CDK5RAP2: variants seen among roughly 807,000 people sequenced by gnomAD.
CDK5RAP2 encodes CDK5 regulatory subunit associated protein 2.
Under a neutral mutation model 232.9 loss-of-function variants are expected in CDK5RAP2, and 147 were observed. The ratio of observed to expected loss-of-function variants is 0.63; its 90% CI spans 0.55 to 0.72. The LOEUF (loss-of-function observed/expected upper bound fraction) is 0.72, where lower values mean the gene tolerates loss of function less well. Among genes scored for constraint, CDK5RAP2 ranks in the 30% least tolerant of loss-of-function variants. The probability of loss-of-function intolerance (pLI) is 0.00; values close to 1 mark genes in which losing one functional copy is unlikely to be tolerated. For missense variants in CDK5RAP2, 2,195 were observed against 2,231.5 expected (o/e 0.98, Z 0.33); for synonymous variants, 833 against 833.7 (o/e 1.00, Z 0.01).
chr9:120,460,744 ATG>A, intron 18 of CDK5RAP2, 77 bp from the exon 19 acceptor site: 1 of 1,582,022 alleles, frequency 6.3e-7, no homozygotes, highest in Non-Finnish European at 8.6e-7. Context: ...TAAGTCAGTG[ATG>A]TCTTTTTTTT....
intron 2 of CDK5RAP2, among the ~76,000 whole-genome samples, chr9:120,570,175 T>G (rs918206983): frequency 2.0e-5 from 3 of 152,146 alleles, no homozygotes; most frequent in Non-Finnish European, 4.4e-5. Context: ...GAAAAGAGGC[T>G]AAGGAGTGGG....
rs1473443984 is a variant in CDK5RAP2, at chr9:120,532,354, G to A, written c.663-2214C>T. On this transcript the variant is annotated intron_variant, in intron 7 of 37. Transcript: ENST00000349780. ...CACAGAGCAGCTCAAAGGCCAGATT[G>A]AAGACAATAAAGTAGCTAAAGCATG... 4.6e-5 allele frequency: 7 copies of A among 152,324 alleles called. No homozygotes were observed. In the East Asian group the frequency reaches 1.3e-3, roughly 29 times the overall value. 9.4% of individuals were successfully genotyped at this position (152,324 alleles called of 1,614,324 possible). A position where few individuals can be genotyped will look rare whatever the true frequency, so the allele number is the denominator to read the frequency against.
Position 120,407,022 on chromosome 9 carries a change from A to G in CDK5RAP2, c.4953T>C (p.Pro1651=). ...AVSIPEVPLQ[P]DKHDGDKYPM... is the part of the protein sequence containing the mutation. ...AGGCAGGGGCAGTACCGTGTTTGTCAGGCTGAAGGGGCACCTCAGGGATGG... is the reference window on the plus strand; with the variant it reads ...AGGCAGGGGCAGTACCGTGTTTGTCGGGCTGAAGGGGCACCTCAGGGATGG... Residue 1651 remains proline (P), a synonymous_variant, in exon 32 of 38, where the codon CCT becomes CCC. Transcript: ENST00000349780. The G allele has an allele frequency of 6.2e-7, 1 of 1,613,266 alleles. No homozygotes were observed. The highest frequency in any genetic ancestry group is 8.5e-7 in the Non-Finnish European group (1 of 1,179,188).
At chr9:120,526,295 T>C (rs925925825) in intron 10 of CDK5RAP2, among the ~76,000 whole-genome samples, 33 of 152,164 alleles carry the variant, frequency 2.2e-4, no homozygotes, top group African/African-American at 7.7e-4. Context: ...CACCACTTTT[T>C]AAACAGATTC....
At chr9:120,427,542 A>G (rs1244919420) in intron 25 of CDK5RAP2, among the ~76,000 whole-genome samples, 4 of 152,142 alleles carry the variant, frequency 2.6e-5, no homozygotes, top group African/African-American at 9.7e-5. Context: ...CCCTTGCAAC[A>G]GCCTCTATCA....
At chr9:120,481,702 G>A (rs1398315093) in intron 14 of CDK5RAP2, among the ~76,000 whole-genome samples, 3 of 152,110 alleles carry the variant, frequency 2.0e-5, no homozygotes, top group East Asian at 3.9e-4. Flanking sequence ...TAGTAGAGAC[G>A]GGGTTTCACC....
intron 26 of CDK5RAP2, among the ~76,000 whole-genome samples, chr9:120,422,207 T>G (rs1206866469): frequency 6.6e-6 from 1 of 152,200 alleles, no homozygotes; most frequent in African/African-American, 2.4e-5. Flanking sequence ...TACATTTGAA[T>G]GGACTCTGAA....
chr9:120,465,822 T>C (rs1288011778), intron 18 of CDK5RAP2, among the ~76,000 whole-genome samples: 2 of 152,074 alleles, frequency 1.3e-5, no homozygotes, highest in African/African-American at 4.8e-5. Flanking sequence ...AGTGAGGCAG[T>C]TAAGTTTCAG....
intron 3 of CDK5RAP2, among the ~76,000 whole-genome samples, chr9:120,556,633 T>C (rs2042239558): frequency 6.6e-6 from 1 of 152,062 alleles, no homozygotes; most frequent in African/African-American, 2.4e-5. Context: ...TTCACCATGT[T>C]GGCCAGGCTG....
intron 14 of CDK5RAP2, among the ~76,000 whole-genome samples, chr9:120,484,476 A>G (rs567033325): frequency 3.3e-5 from 5 of 152,100 alleles, no homozygotes; most frequent in African/African-American, 1.2e-4. Flanking sequence ...AATCCCAGCA[A>G]TTTGGGAGGA....
At chr9:120,561,835 C>G (rs924794212) in intron 3 of CDK5RAP2, among the ~76,000 whole-genome samples, 12 of 152,184 alleles carry the variant, frequency 7.9e-5, no homozygotes, top group African/African-American at 2.7e-4. Flanking sequence ...CTACCTTGTG[C>G]TGAAGTGATT....
Position 120,440,238 on chromosome 9 carries a change from T to C in CDK5RAP2, c.3149-266A>G, listed in dbSNP as rs4837770. ...CTGTTCTAAAAAGTAATTTTAACCATGATAAACCCACACACACACCCCCTA... is the reference window on the plus strand; with the variant it reads ...CTGTTCTAAAAAGTAATTTTAACCACGATAAACCCACACACACACCCCCTA... On this transcript the variant is annotated intron_variant, in intron 23 of 37. Coordinates refer to ENST00000349780, the MANE Select transcript of CDK5RAP2 (RefSeq NM_018249.6). 0.97 allele frequency: 488,335 copies of C among 505,344 alleles called. 236,071 individuals carry two copies. The highest frequency in any genetic ancestry group is 1 in the East Asian group (28,375 of 28,376). 31.3% of individuals were successfully genotyped at this position (505,344 alleles called of 1,614,324 possible).
chr9:120,411,722 G>A (rs2033861457), intron 28 of CDK5RAP2, among the ~76,000 whole-genome samples: 1 of 152,132 alleles, frequency 6.6e-6, no homozygotes, highest in African/African-American at 2.4e-5. Flanking sequence ...GGAGTGGGAT[G>A]AGTGAGTGAG....
chr9:120,537,085 T>C (rs928467703), intron 6 of CDK5RAP2, among the ~76,000 whole-genome samples: 1 of 152,066 alleles, frequency 6.6e-6, no homozygotes, highest in Admixed American at 6.5e-5. Context: ...AAAAAGGCCC[T>C]TGTGGTCATG....
intron 4 of CDK5RAP2, 45 bp from the exon 5 acceptor site, chr9:120,545,835 G>A: frequency 6.8e-7 from 1 of 1,481,130 alleles, no homozygotes; most frequent in East Asian, 2.3e-5. Flanking sequence ...GTAAAATAGA[G>A]GACCTATGAA....
chr9:120,459,223 G>T (rs751644789), intron 19 of CDK5RAP2, among the ~76,000 whole-genome samples: 1 of 152,070 alleles, frequency 6.6e-6, no homozygotes, highest in Non-Finnish European at 1.5e-5. Flanking sequence ...GTTATTTACC[G>T]ATCCACCTTC....
At chr9:120,522,262 T>C (rs2131865477) in intron 11 of CDK5RAP2, among the ~76,000 whole-genome samples, 1 of 152,342 alleles carries the variant, frequency 6.6e-6, no homozygotes, top group African/African-American at 2.4e-5. Context: ...ATCACAATTA[T>C]GCAAGATGTT....
chr9:120,432,600 G>A (rs1157931284), intron 25 of CDK5RAP2, among the ~76,000 whole-genome samples: 1 of 152,200 alleles, frequency 6.6e-6, no homozygotes, highest in African/African-American at 2.4e-5. Context: ...AAGGAGCTGT[G>A]GTGAGGTTTC....
At chr9:120,410,224 CACA>C (rs1041258897) in intron 29 of CDK5RAP2, among the ~76,000 whole-genome samples, 1 of 152,194 alleles carries the variant, frequency 6.6e-6, no homozygotes, top group African/African-American at 2.4e-5. Flanking sequence ...CATTCTTAAA[CACA>C]ACAAGATAAT....
Sources: gnomAD v4.1 joint callset for allele counts (sites outside exome capture counted in the v4.1 genomes callset) on GRCh38, gnomAD v4.1.1 for gene constraint, MANE v1.5 for transcripts, NCBI Gene and HGNC (gene_info 2026-07-23, HGNC 2026-07-21) for gene names.